Variants in GP6 observed in about 807,000 individuals in gnomAD.
The protein encoded by GP6 is glycoprotein VI platelet.
In GP6, 45 loss-of-function variants were observed where a neutral mutation model predicts 37.3. The observed-to-expected ratio is 1.21, with a 90% confidence interval of 0.95 to 1.55. The LOEUF (loss-of-function observed/expected upper bound fraction) is 1.55, where lower values mean the gene tolerates loss of function less well. Among genes scored for constraint, GP6 ranks in the 40% most tolerant of loss-of-function variants. GP6 has a pLI of 0.00. For missense variants in GP6, 813 were observed against 760.2 expected (o/e 1.07, Z -0.82); for synonymous variants, 340 against 316.4 (o/e 1.07, Z -0.79).
At chr19:55,023,856 ATCCCATT>A (rs1188130727) in intron 5 of GP6, among the ~76,000 whole-genome samples, 1 of 152,192 alleles carries the variant, frequency 6.6e-6, no homozygotes, top group African/African-American at 2.4e-5. Flanking sequence ...ATACTGGATG[ATCCCATT>A]TACATCAGAT....
chr19:55,027,976 A>G (rs1440731038), intron 3 of GP6, 114 bp from the exon 4 acceptor site: 1 of 1,023,566 alleles, frequency 9.8e-7, no homozygotes, highest in East Asian at 2.4e-5. Context: ...TATCCCTCCC[A>G]GAGAGCGCAC....
Position 55,032,203 on chromosome 19 carries a change from G to A in GP6, c.261C>T (p.Arg87=), listed in dbSNP as rs554527184. Residue 87 remains arginine (R), a synonymous_variant, in exon 3 of 8, where the codon CGC becomes CGT. Transcript: ENST00000310373. The stretch of plus-strand genomic sequence containing the variant: ...AGAGGCTTCCGTTCTGGTAGGAGCA[G>A]CGGTAGCGTCCAGCCAGACTTCTCT... 1.7e-4 allele frequency: 279 copies of A among 1,613,888 alleles called. No individual in the cohort carries two copies. Among genetic ancestry groups the A allele is most frequent in the Non-Finnish European group, 2.3e-4 (273 of 1,179,916 alleles).
chr19:55,027,964 T>C (rs1053560202), intron 3 of GP6, 102 bp from the exon 4 acceptor site: 2 of 1,183,836 alleles, frequency 1.7e-6, no homozygotes, highest in African/African-American at 3.0e-5. Flanking sequence ...GCTTTTTGGC[T>C]GTATCCCTCC....
chr19:55,028,961 C>T (rs1002856422), intron 3 of GP6, among the ~76,000 whole-genome samples: 1 of 151,684 alleles, frequency 6.6e-6, no homozygotes, highest in East Asian at 1.9e-4. Flanking sequence ...GATCACTGTA[C>T]ACTAGCCTGG....
Position 55,014,395 on chromosome 19 carries a change from A to T in GP6, c.1550T>A (p.Met517Lys), listed in dbSNP as rs200566792. Residue 517 changes from methionine (M) to lysine (K), a missense_variant, in exon 8 of 8, where the codon ATG becomes AAG. Coordinates refer to ENST00000310373, the MANE Select transcript of GP6 (RefSeq NM_001083899.2). ...TTTTACACTAAGGAAAATGAATGAC[A>T]TACCCAAACTGCCTGCAAGACCCGT... 6.2e-7 allele frequency: 1 copy of T among 1,612,728 alleles called. No individual in the cohort carries two copies. Among genetic ancestry groups the T allele is most frequent in the Non-Finnish European group, 8.5e-7 (1 of 1,178,722 alleles).
intron 3 of GP6, among the ~76,000 whole-genome samples, chr19:55,028,686 A>G (rs1481125154): frequency 6.6e-6 from 1 of 152,222 alleles, no homozygotes; most frequent in East Asian, 1.9e-4. Flanking sequence ...TAAATAAAAA[A>G]CTTGTCCAAG....
Position 55,032,713 on chromosome 19 carries a change from T to C in GP6, c.35-175A>G, listed in dbSNP as rs1457582498. The C allele has an allele frequency of 5.4e-6, 4 of 735,078 alleles. No individual in the cohort carries two copies. In the Admixed American group the frequency reaches 8.3e-5, roughly 15 times the overall value. 45.5% of individuals were successfully genotyped at this position (735,078 alleles called of 1,614,324 possible). ...GAGAAACCGGTCAGAAAAAGCCACATAGTTTATGAGGTCATTTACATGAAA... is the reference window on the plus strand; with the variant it reads ...GAGAAACCGGTCAGAAAAAGCCACACAGTTTATGAGGTCATTTACATGAAA... On this transcript the variant is annotated intron_variant, in intron 1 of 7. Transcript: ENST00000310373.
At chr19:55,029,244 ATTTGTTTTGTTTTGT>A (rs143221654) in intron 3 of GP6, among the ~76,000 whole-genome samples, 7,836 of 130,746 alleles carry the variant, frequency 0.06, 377 homozygotes, top group African/African-American at 0.098. Flanking sequence ...TTGTTGTTTC[ATTTGTTTTGTTTTGT>A]TTTGTTTTGT....
Position 55,013,976 on chromosome 19 carries a change from A to G in GP6, c.*106T>C, listed in dbSNP as rs1055913252. On this transcript the variant is annotated 3_prime_UTR_variant, in exon 8 of 8. Coordinates refer to ENST00000310373, the MANE Select transcript of GP6 (RefSeq NM_001083899.2). ...CAGAAAGTAAATATGAGAGGGGTGGAGACGGTGCATTATCTTATTTTTATG... is the reference window on the plus strand; with the variant it reads ...CAGAAAGTAAATATGAGAGGGGTGGGGACGGTGCATTATCTTATTTTTATG... 2 of 446,108 alleles carry G rather than the reference A, an allele frequency of 4.5e-6. No homozygotes were observed. The highest frequency in any genetic ancestry group is 4.0e-5 in the African/African-American group (2 of 50,134). The allele number at this position is 446,108 out of a possible 1,614,324, so 27.6% of individuals were successfully genotyped here.
intron 1 of GP6, among the ~76,000 whole-genome samples, chr19:55,033,260 AGACACGGTGGACTCGTTCG>A (rs1230790344): frequency 5.3e-5 from 4 of 75,652 alleles, no homozygotes; most frequent in Non-Finnish European, 7.3e-5. Context: ...CGTTCGTGTT[AGACACGGTGGACTCGTTCG>A]TGTTAGACAC....
intron 4 of GP6, among the ~76,000 whole-genome samples, chr19:55,026,378 CT>C (rs2074302979): frequency 6.6e-6 from 1 of 152,142 alleles, no homozygotes; most frequent in Admixed American, 6.6e-5. Flanking sequence ...CACCATTGTA[CT>C]TTGTGTTTCT....
intron 1 of GP6, among the ~76,000 whole-genome samples, chr19:55,036,478 C>G (rs1414623556): frequency 6.6e-6 from 1 of 151,992 alleles, no homozygotes. Context: ...GTGGGTGGAT[C>G]GCTTGAGCCC....
At chr19:55,030,894 G>C (rs762215409) in intron 3 of GP6, among the ~76,000 whole-genome samples, 33 of 152,258 alleles carry the variant, frequency 2.2e-4, no homozygotes, top group Non-Finnish European at 4.1e-4. Flanking sequence ...TGTCACCCAG[G>C]CTGGAGTGCA....
chr19:55,019,118 T>TC lies in GP6; in HGVS notation c.665-408_665-407insG, dbSNP rs1206115412. Among the ~76,000 whole-genome samples, 3 of 149,982 alleles carry TC rather than the reference T, an allele frequency of 2.0e-5. No individual in the cohort carries two copies. In the East Asian group the frequency reaches 5.8e-4, roughly 29 times the overall value. ...TCTTTCTTTTTTTTCTTTTTTTTTT[T>TC]TTTTTGAGACAGAGTCTCATTCTGT... On this transcript the variant is annotated intron_variant, in intron 5 of 7. Coordinates refer to ENST00000310373, the MANE Select transcript of GP6 (RefSeq NM_001083899.2).
chr19:55,026,361 TAAC>T (rs1312881295), intron 4 of GP6, among the ~76,000 whole-genome samples: 2 of 152,170 alleles, frequency 1.3e-5, no homozygotes, highest in African/African-American at 4.8e-5. Context: ...TTCTGGCCCT[TAAC>T]AACCACCATT....
intron 1 of GP6, 141 bp from the exon 2 acceptor site, chr19:55,032,679 T>C: frequency 2.1e-6 from 2 of 931,326 alleles, no homozygotes; most frequent in South Asian, 1.4e-5. Context: ...AGGAATGTAA[T>C]TTAAGTGAGA....
chr19:55,023,045 C>A (rs1487762968), intron 5 of GP6, among the ~76,000 whole-genome samples: 4 of 152,102 alleles, frequency 2.6e-5, no homozygotes, highest in Admixed American at 2.6e-4. Context: ...GCCCATATAG[C>A]CAAGACAATA....
Position 55,015,023 on chromosome 19 carries a change from C to G in GP6, c.922G>C (p.Glu308Gln). The change falls in exon 8 of 8, where the codon GAG (glutamate) becomes CAG (glutamine). Residue 308 changes from glutamate (E) to glutamine (Q), a missense_variant. Physicochemically the swap from Glu to Gln is conservative, Grantham distance 29. Coordinates refer to ENST00000310373, the MANE Select transcript of GP6 (RefSeq NM_001083899.2). ...GGGGCGGGAGGGGCGGAAGCGGCCT[C>G]TGCACAGCCCTGCCCCTGTGCCGCA... 6.2e-7 allele frequency: 1 copy of G among 1,611,638 alleles called. No homozygotes were observed. The highest frequency in any genetic ancestry group is 8.5e-7 in the Non-Finnish European group (1 of 1,179,152).
chr19:55,015,286 T>C, intron 7 of GP6, 121 bp from the exon 8 acceptor site: 4 of 1,485,110 alleles, frequency 2.7e-6, no homozygotes, highest in Non-Finnish European at 3.7e-6. Context: ...TGCCGCTCAC[T>C]TTCCTGGAGG....
Sources: gnomAD v4.1 joint callset for allele counts (sites outside exome capture counted in the v4.1 genomes callset) on GRCh38, gnomAD v4.1.1 for gene constraint, MANE v1.5 for transcripts, NCBI Gene and HGNC (gene_info 2026-07-23, HGNC 2026-07-21) for gene names.